SH3D19: variants seen among roughly 807,000 people sequenced by gnomAD.
SH3D19 encodes SH3 domain containing 19.
Under a neutral mutation model 112.1 loss-of-function variants are expected in SH3D19, and 58 were observed. The observed-to-expected ratio is 0.52, with a 90% CI of 0.42 to 0.64. The LOEUF is 0.64. SH3D19 is among the 30% of genes least tolerant of loss of function. The pLI is 0.00. For missense variants in SH3D19, 1,090 were observed against 1,263.4 expected (o/e 0.86, Z 2.08); for synonymous variants, 391 against 448.5 (o/e 0.87, Z 1.62).
At chr4:151,229,913 TCAAAAA>T (rs964095398) in intron 1 of SH3D19, among the ~76,000 whole-genome samples, 5 of 152,132 alleles carry the variant, frequency 3.3e-5, no homozygotes, top group Non-Finnish European at 4.4e-5. Flanking sequence ...AAACTCTGTC[TCAAAAA>T]CAAAAACAAA....
chr4:151,212,712 T>C (rs1485500605), intron 2 of SH3D19, among the ~76,000 whole-genome samples: 1 of 152,198 alleles, frequency 6.6e-6, no homozygotes, highest in Non-Finnish European at 1.5e-5. Context: ...TGACACAACA[T>C]CCAATCTGCA....
At chr4:151,280,020 T>A in intron 1 of SH3D19, 1 of 1,044,252 alleles carries the variant, frequency 9.6e-7, no homozygotes, top group African/African-American at 1.8e-5. Flanking sequence ...CATCACTTCA[T>A]GAATGAACCA....
At chr4:151,244,815 G>C (rs578112916) in intron 1 of SH3D19, among the ~76,000 whole-genome samples, 3 of 152,290 alleles carry the variant, frequency 2.0e-5, no homozygotes, top group Non-Finnish European at 2.9e-5. Flanking sequence ...AAAAATGACA[G>C]GTAAACAGAT....
chr4:151,122,950 C>T (rs550150059), intron 19 of SH3D19, among the ~76,000 whole-genome samples: 7 of 148,668 alleles, frequency 4.7e-5, no homozygotes, highest in African/African-American at 1.7e-4. Context: ...CTCCCGGGTT[C>T]AAACAATTCT....
At chr4:151,250,460 CAT>C (rs111316207) in intron 1 of SH3D19, among the ~76,000 whole-genome samples, 5 of 151,770 alleles carry the variant, frequency 3.3e-5, no homozygotes, top group African/African-American at 7.2e-5. Flanking sequence ...TATATACAGA[CAT>C]GTGTATATGG....
intron 7 of SH3D19, among the ~76,000 whole-genome samples, chr4:151,166,862 C>G (rs1046362748): frequency 2.6e-5 from 4 of 152,204 alleles, no homozygotes; most frequent in Non-Finnish European, 5.9e-5. Flanking sequence ...CTCTTCCACT[C>G]AGTTCTCAGT....
intron 1 of SH3D19, among the ~76,000 whole-genome samples, chr4:151,302,442 C>A (rs930856960): frequency 2.0e-5 from 3 of 151,948 alleles, no homozygotes; most frequent in Non-Finnish European, 4.4e-5. Flanking sequence ...AAGAAGAAAC[C>A]TGATGAAAAA....
chr4:151,262,551 A>AT (rs1411554308), intron 1 of SH3D19, among the ~76,000 whole-genome samples: 6 of 152,154 alleles, frequency 3.9e-5, no homozygotes, highest in African/African-American at 7.2e-5. Flanking sequence ...TCCACTTCTC[A>AT]TATCTTCAGA....
intron 1 of SH3D19, among the ~76,000 whole-genome samples, chr4:151,266,610 GT>G (rs1772813936): frequency 1.3e-5 from 2 of 152,192 alleles, no homozygotes; most frequent in Admixed American, 1.3e-4. Context: ...TCAGAGTTTA[GT>G]GAGTCAGTCC....
chr4:151,138,683 GTCTCACAC>G (rs1561212132), intron 13 of SH3D19, among the ~76,000 whole-genome samples: 1 of 55,566 alleles, frequency 1.8e-5, no homozygotes, highest in Non-Finnish European at 3.6e-5. Context: ...GCAAGATCTT[GTCTCACAC>G]ACACACACAC....
chr4:151,252,456 T>G (rs1238110279), intron 1 of SH3D19, among the ~76,000 whole-genome samples: 1 of 152,196 alleles, frequency 6.6e-6, no homozygotes, highest in East Asian at 1.9e-4. Flanking sequence ...GATACTACTC[T>G]CAGTTCTCAG....
At chr4:151,141,392 C>T (rs1167457496) in intron 12 of SH3D19, among the ~76,000 whole-genome samples, 1 of 152,152 alleles carries the variant, frequency 6.6e-6, no homozygotes, top group Non-Finnish European at 1.5e-5. Flanking sequence ...TCCCAAAGTG[C>T]TGGGATTACA....
At chr4:151,178,748 C>A (rs1223398047) in intron 4 of SH3D19, among the ~76,000 whole-genome samples, 1 of 152,080 alleles carries the variant, frequency 6.6e-6, no homozygotes, top group East Asian at 1.9e-4. Flanking sequence ...GGGACCATGA[C>A]TTATGAAAAC....
At chr4:151,218,423 T>C (rs994759884) in intron 2 of SH3D19, among the ~76,000 whole-genome samples, 2 of 152,012 alleles carry the variant, frequency 1.3e-5, no homozygotes, top group Non-Finnish European at 2.9e-5. Context: ...GTTTTTTTTT[T>C]TTCTTTCTTT....
intron 1 of SH3D19, among the ~76,000 whole-genome samples, chr4:151,270,295 T>C (rs1291760432): frequency 6.6e-6 from 1 of 152,194 alleles, no homozygotes; most frequent in Non-Finnish European, 1.5e-5. Flanking sequence ...GAATGGTTTA[T>C]TACCATCCTC....
At chr4:151,211,871 G>A (rs1207163907) in intron 2 of SH3D19, among the ~76,000 whole-genome samples, 7 of 152,214 alleles carry the variant, frequency 4.6e-5, no homozygotes, top group Admixed American at 1.3e-4. Flanking sequence ...GTGTCTTCAT[G>A]ACATAAAAGT....
At chr4:151,322,250 T>C (rs1026762873) in intron 1 of SH3D19, among the ~76,000 whole-genome samples, 1 of 151,898 alleles carries the variant, frequency 6.6e-6, no homozygotes. Flanking sequence ...CTGGCCAACA[T>C]GGTGAAACCC....
intron 1 of SH3D19, chr4:151,279,935 G>T: frequency 6.2e-7 from 1 of 1,613,534 alleles, no homozygotes; most frequent in South Asian, 1.1e-5. Context: ...GGTTGATACT[G>T]ACAGCAGCAC....
intron 2 of SH3D19, among the ~76,000 whole-genome samples, chr4:151,208,458 C>T (rs1337687619): frequency 1.3e-5 from 2 of 152,170 alleles, no homozygotes; most frequent in African/African-American, 4.8e-5. Context: ...GCAACCTCTG[C>T]CTCCTGAGTT....
Sources: allele counts gnomAD v4.1 joint callset (sites outside exome capture counted in the v4.1 genomes callset), GRCh38; gene constraint gnomAD v4.1.1; transcripts MANE v1.5; gene names NCBI Gene and HGNC (gene_info 2026-07-23, HGNC 2026-07-21).